ZNF521: variants seen among roughly 807,000 people sequenced by gnomAD.
The protein encoded by ZNF521 is zinc finger protein 521.
ZNF521 carries 14 observed loss-of-function variants against 105.5 expected under a neutral mutation model. That is an observed-to-expected ratio of 0.13 (90% CI 0.09 to 0.21). ZNF521 has a LOEUF of 0.21. Ranked by LOEUF, ZNF521 falls within the 10% of genes least tolerant of loss-of-function variation. The pLI is 1.00. For missense variants in ZNF521, 1,233 were observed against 1,629.7 expected, an observed-to-expected ratio of 0.76 and a Z score of 4.19; for synonymous variants, 635 against 606.0, an observed-to-expected ratio of 1.05 and a Z score of -0.70.
intron 2 of ZNF521, among the ~76,000 whole-genome samples, chr18:25,339,972 T>G (rs145516526): frequency 6.6e-6 from 1 of 152,314 alleles, no homozygotes; most frequent in East Asian, 1.9e-4. Flanking sequence ...TGGGACATGC[T>G]GCTGCAGGAA....
chr18:25,288,136 G>C (rs1910809186), intron 3 of ZNF521, among the ~76,000 whole-genome samples: 1 of 152,136 alleles, frequency 6.6e-6, no homozygotes, highest in Non-Finnish European at 1.5e-5. Context: ...AACTGGGCGT[G>C]ATGTGCACAA....
chr18:25,232,216 G>T (rs908235125), intron 3 of ZNF521, among the ~76,000 whole-genome samples: 1 of 152,194 alleles, frequency 6.6e-6, no homozygotes, highest in African/African-American at 2.4e-5. Context: ...GACTTAGAGA[G>T]TGACCTGGCT....
chr18:25,175,441 G>A (rs552942351), intron 5 of ZNF521, among the ~76,000 whole-genome samples: 1 of 152,146 alleles, frequency 6.6e-6, no homozygotes, highest in Non-Finnish European at 1.5e-5. Context: ...AAGTTGAAAT[G>A]GATCAACTCA....
At chr18:25,311,013 T>A (rs143350673) in intron 3 of ZNF521, among the ~76,000 whole-genome samples, 270 of 152,182 alleles carry the variant, frequency 1.8e-3, no homozygotes, top group African/African-American at 6.3e-3. Context: ...GGGGAAAGGG[T>A]TCAGAGTTTG....
At chr18:25,313,233 G>A (rs574516967) in intron 3 of ZNF521, among the ~76,000 whole-genome samples, 1 of 152,236 alleles carries the variant, frequency 6.6e-6, no homozygotes, top group South Asian at 2.1e-4. Context: ...GCAGTCTACA[G>A]TGTCCAGCAA....
intron 3 of ZNF521, among the ~76,000 whole-genome samples, chr18:25,255,947 A>ATATATATATATATCG (rs1908455719): frequency 1.4e-5 from 2 of 145,120 alleles, no homozygotes; most frequent in African/African-American, 5.1e-5. Context: ...TATATATGGC[A>ATATATATATATATCG]TATATATATA....
chr18:25,319,707 T>C (rs1403306557), intron 3 of ZNF521, among the ~76,000 whole-genome samples: 3 of 151,556 alleles, frequency 2.0e-5, no homozygotes, highest in African/African-American at 7.3e-5. Context: ...AAAGAGAAAA[T>C]GGTAACTTTA....
rs2034151027 is a variant in ZNF521 at position 25,109,902 on chromosome 18, CTG to C, written c.3659-17823_3659-17822del. On this transcript the variant is annotated intron_variant, in intron 5 of 7. Coordinates refer to ENST00000361524, the MANE Select transcript of ZNF521 (RefSeq NM_015461.3). The stretch of plus-strand genomic sequence containing the variant: ...CATTTTCTCCCATTCTGAAGATTGT[CTG>C]TTTATCCTGTTGATTATTTCTTCTG... 3.3e-5 allele frequency among the ~76,000 whole-genome samples: 5 copies of C among 152,288 alleles called. No homozygotes were observed. The South Asian group carries it at 1.0e-3, about 32-fold the overall frequency.
At position 25,224,931 on chromosome 18, in the gene ZNF521, G is replaced by A. The variant is rs753719254; in HGVS notation, c.2987C>T (p.Pro996Leu). 3.7e-6 allele frequency: 6 copies of A among 1,613,872 alleles called. No individual in the cohort carries two copies. The highest frequency in any genetic ancestry group is 4.2e-6 in the Non-Finnish European group (5 of 1,180,038). Residue 996 changes from proline to leucine, a missense_variant, in exon 4 of 8, where the codon CCT (proline) becomes CTT (leucine). Physicochemically the swap from Pro to Leu is moderately conservative, Grantham distance 98. This residue lies in a region of ZNF521 where 614 missense variants were observed against 751.5 expected (regional missense o/e 0.82). Transcript: ENST00000361524. ...TAAAAACTCCTCTTCACTCTGGAGAGGCATCTTGCAAATCCGGCAGTTTCC... is the reference window on the plus strand; with the variant it reads ...TAAAAACTCCTCTTCACTCTGGAGAAGCATCTTGCAAATCCGGCAGTTTCC... ...DTGNCRICKM[P>L]LQSEEEFLEH...
intron 5 of ZNF521, among the ~76,000 whole-genome samples, chr18:25,095,731 T>C (rs1009228562): frequency 8.5e-5 from 13 of 152,190 alleles, no homozygotes; most frequent in Non-Finnish European, 1.3e-4. Flanking sequence ...CTAGAAAAAC[T>C]CTAGTTTTGC....
chr18:25,333,328 A>C (rs1020993734), intron 2 of ZNF521, among the ~76,000 whole-genome samples: 8 of 150,826 alleles, frequency 5.3e-5, no homozygotes, highest in African/African-American at 1.9e-4. Context: ...ATATATATAT[A>C]TATATACACA....
intron 3 of ZNF521, among the ~76,000 whole-genome samples, chr18:25,314,438 C>T (rs1356080268): frequency 6.6e-6 from 1 of 152,156 alleles, no homozygotes; most frequent in Non-Finnish European, 1.5e-5. Context: ...AAGTTTTCAG[C>T]TTACAAAAAT....
At chr18:25,109,781 C>G (rs1255090376) in intron 5 of ZNF521, among the ~76,000 whole-genome samples, 1 of 152,110 alleles carries the variant, frequency 6.6e-6, no homozygotes, top group Non-Finnish European at 1.5e-5. Context: ...CCTTTGCCCA[C>G]TTTTTAATGG....
At chr18:25,091,911 A>T in intron 6 of ZNF521, 39 bp downstream of exon 6, 1 of 1,607,868 alleles carries the variant, frequency 6.2e-7, no homozygotes, top group Non-Finnish European at 8.5e-7. Context: ...TGATGTGGCC[A>T]TCAGCCTCTC....
chr18:25,063,489 C>T (rs888497896), intron 7 of ZNF521, among the ~76,000 whole-genome samples: 13 of 152,128 alleles, frequency 8.5e-5, no homozygotes, highest in Non-Finnish European at 1.3e-4. Flanking sequence ...AGCATGTCCC[C>T]TTTCTGAGTG....
intron 3 of ZNF521, among the ~76,000 whole-genome samples, chr18:25,257,623 C>T (rs1380261029): frequency 2.0e-5 from 3 of 152,166 alleles, no homozygotes; most frequent in African/African-American, 7.2e-5. Flanking sequence ...AGTGGCTACA[C>T]GGAGCAACTA....
intron 3 of ZNF521, among the ~76,000 whole-genome samples, chr18:25,238,913 T>TC (rs1907114498): frequency 6.6e-6 from 1 of 152,172 alleles, no homozygotes; most frequent in Non-Finnish European, 1.5e-5. Flanking sequence ...TCCTGAGTCT[T>TC]CACCTGCATT....
At chr18:25,204,993 A>G (rs2036053523) in intron 4 of ZNF521, among the ~76,000 whole-genome samples, 1 of 152,108 alleles carries the variant, frequency 6.6e-6, no homozygotes, top group Non-Finnish European at 1.5e-5. Flanking sequence ...CTAATGAGTC[A>G]TTCTAAATCC....
At chr18:25,092,844 G>C (rs984491684) in intron 5 of ZNF521, among the ~76,000 whole-genome samples, 4 of 152,158 alleles carry the variant, frequency 2.6e-5, no homozygotes, top group African/African-American at 9.7e-5. Flanking sequence ...TGGAGAGTTT[G>C]TGTTATACAT....
Sources: gnomAD v4.1 joint callset for allele counts (sites outside exome capture counted in the v4.1 genomes callset) on GRCh38, gnomAD v4.1.1 for gene constraint, gnomAD v4.1.1 regional missense constraint, MANE v1.5 for transcripts, NCBI Gene and HGNC (gene_info 2026-07-23, HGNC 2026-07-21) for gene names.